NRG3: variants seen among roughly 807,000 people sequenced by gnomAD.
The protein encoded by NRG3 is pro-neuregulin-3, membrane-bound isoform.
Under a neutral mutation model 66.9 loss-of-function variants are expected in NRG3, and 31 were observed. The observed-to-expected ratio is 0.46, with a 90% confidence interval of 0.35 to 0.63. NRG3 has a LOEUF of 0.63. Ranked by LOEUF, NRG3 falls within the 20% of genes least tolerant of loss-of-function variation. The pLI is 0.00. For synonymous variants in NRG3, 393 were observed against 359.4 expected, an observed-to-expected ratio of 1.09 and a Z score of -1.06; for missense variants, 910 against 878.9, an observed-to-expected ratio of 1.04 and a Z score of -0.45.
chr10:81,954,078 C>T (rs1849608294), intron 1 of NRG3, among the ~76,000 whole-genome samples: 1 of 151,972 alleles, frequency 6.6e-6, no homozygotes, highest in Admixed American at 6.6e-5. Context: ...GGCAGGTATA[C>T]AAGAGTTGGG....
At chr10:82,830,190 A>G (rs193101981) in intron 3 of NRG3, among the ~76,000 whole-genome samples, 114 of 152,292 alleles carry the variant, frequency 7.5e-4, no homozygotes, top group East Asian at 2.5e-3. Flanking sequence ...AAAGCTCAGA[A>G]TAGTCCTAAT....
At chr10:82,154,056 T>A (rs1452645859) in intron 1 of NRG3, among the ~76,000 whole-genome samples, 1 of 152,064 alleles carries the variant, frequency 6.6e-6, no homozygotes, top group Non-Finnish European at 1.5e-5. Context: ...TTCTTTGCTA[T>A]GCAAAAAGTT....
At chr10:82,764,320 C>CCA (rs2059433266) in intron 3 of NRG3, among the ~76,000 whole-genome samples, 2 of 151,946 alleles carry the variant, frequency 1.3e-5, no homozygotes, top group African/African-American at 4.8e-5. Flanking sequence ...CAGGTGTGAG[C>CCA]CACCAGACCC....
intron 1 of NRG3, among the ~76,000 whole-genome samples, chr10:82,346,047 A>G (rs2082999635): frequency 6.6e-6 from 1 of 151,322 alleles, no homozygotes; most frequent in Non-Finnish European, 1.5e-5. Flanking sequence ...CTAATTGAAT[A>G]CCCTTTATTT....
intron 4 of NRG3, among the ~76,000 whole-genome samples, chr10:82,882,775 C>CA (rs1376443358): frequency 3.9e-5 from 6 of 152,018 alleles, no homozygotes; most frequent in Non-Finnish European, 5.9e-5. Context: ...TTCCATATGC[C>CA]ACAAAGGCCT....
intron 1 of NRG3, among the ~76,000 whole-genome samples, chr10:81,958,108 G>A (rs577711432): frequency 9.9e-5 from 15 of 152,250 alleles, no homozygotes; most frequent in African/African-American, 3.6e-4. Context: ...TTACAGCCCT[G>A]GCAATTGTTT....
chr10:82,664,944 G>T (rs1169313999), intron 2 of NRG3, among the ~76,000 whole-genome samples: 1 of 152,100 alleles, frequency 6.6e-6, no homozygotes, highest in Non-Finnish European at 1.5e-5. Context: ...GACTAACAAA[G>T]TGTTAGTATC....
At chr10:82,732,086 A>G (rs933723925) in intron 2 of NRG3, among the ~76,000 whole-genome samples, 13 of 152,202 alleles carry the variant, frequency 8.5e-5, no homozygotes, top group African/African-American at 3.1e-4. Flanking sequence ...TCAAAACATC[A>G]TGTTTTAAAA....
Position 82,980,211 on chromosome 10 carries a change from G to GA in NRG3, c.1583+1102dup, listed in dbSNP as rs34517442. Among the ~76,000 whole-genome samples, 311 of 146,508 alleles carry GA rather than the reference G, an allele frequency of 2.1e-3. 2 individuals are homozygous for GA. Among genetic ancestry groups the GA allele is most frequent in the African/African-American group, 7.0e-3 (278 of 39,696 alleles). ...CAGAGTGAGACCCTATCTCAAAAAA[G>GA]AAAAAAAAAAATACAAATAATTGAG... On this transcript the variant is annotated intron_variant, in intron 8 of 8. Coordinates refer to ENST00000372141, the MANE Select transcript of NRG3 (RefSeq NM_001010848.4).
At chr10:82,349,496 C>T (rs1243915217) in intron 1 of NRG3, among the ~76,000 whole-genome samples, 1 of 151,748 alleles carries the variant, frequency 6.6e-6, no homozygotes, top group Non-Finnish European at 1.5e-5. Context: ...TTTAAGTCTG[C>T]AGAGGTTACT....
chr10:82,938,778 C>CT (rs1848316327), intron 4 of NRG3, among the ~76,000 whole-genome samples: 1 of 152,192 alleles, frequency 6.6e-6, no homozygotes, highest in Admixed American at 6.5e-5. Flanking sequence ...CCTTAAACCG[C>CT]TGGGTCAGAT....
chr10:82,131,205 G>A (rs1000770009), intron 1 of NRG3, among the ~76,000 whole-genome samples: 7 of 152,064 alleles, frequency 4.6e-5, no homozygotes, highest in African/African-American at 1.7e-4. Context: ...AATCCATTTT[G>A]ATTTGATTTC....
intron 1 of NRG3, among the ~76,000 whole-genome samples, chr10:82,170,654 G>GTATATATATATATATA (rs370773918): frequency 1.8e-4 from 13 of 74,192 alleles, no homozygotes; most frequent in Non-Finnish European, 2.8e-4. Context: ...AAAACTTGTG[G>GTATATATATATATATA]TATATATATA....
chr10:82,918,128 T>C (rs1846063686), intron 4 of NRG3, among the ~76,000 whole-genome samples: 1 of 152,006 alleles, frequency 6.6e-6, no homozygotes, highest in South Asian at 2.1e-4. Flanking sequence ...AAATATGCTC[T>C]AATCACCAGT....
chr10:82,305,134 A>G (rs1055580962), intron 1 of NRG3, among the ~76,000 whole-genome samples: 3 of 151,334 alleles, frequency 2.0e-5, no homozygotes, highest in East Asian at 2.0e-4. Flanking sequence ...AGCTGGGACT[A>G]CAGGCGCCCA....
intron 1 of NRG3, among the ~76,000 whole-genome samples, chr10:82,206,145 A>T (rs1439064924): frequency 6.6e-6 from 1 of 152,046 alleles, no homozygotes; most frequent in South Asian, 2.1e-4. Flanking sequence ...CTCCCAAAAT[A>T]CCACCTTAAT....
intron 5 of NRG3, among the ~76,000 whole-genome samples, chr10:82,952,968 T>C (rs1185042387): frequency 6.6e-6 from 1 of 152,046 alleles, no homozygotes; most frequent in African/African-American, 2.4e-5. Context: ...CCTCCATTAT[T>C]AATGCCTTAC....
In NRG3 at chr10:82,512,923, A is replaced by G. The variant is rs1236794696; in HGVS notation, c.953+154055A>G. On this transcript the variant is annotated intron_variant, in intron 2 of 8. Transcript: ENST00000372141. Reference sequence around the variant, plus strand: ...TTCTTCATTATCACTATTTTATAATATTCCACTGCATGGGTATGCCACATA... The same window carrying G: ...TTCTTCATTATCACTATTTTATAATGTTCCACTGCATGGGTATGCCACATA... Among the ~76,000 whole-genome samples the G allele has an allele frequency of 2.0e-5, 3 of 152,170 alleles. No individual in the cohort carries two copies. In the East Asian group the frequency reaches 5.8e-4, roughly 29 times the overall value.
intron 3 of NRG3, among the ~76,000 whole-genome samples, chr10:82,817,494 C>T (rs547121738): frequency 7.6e-4 from 115 of 152,186 alleles, no homozygotes; most frequent in African/African-American, 2.6e-3. Context: ...GGTTCTTTTT[C>T]TTTTTTTGCA....
Sources: allele counts gnomAD v4.1 joint callset (sites outside exome capture counted in the v4.1 genomes callset), GRCh38; gene constraint gnomAD v4.1.1; transcripts MANE v1.5; gene names NCBI Gene and HGNC (gene_info 2026-07-23, HGNC 2026-07-21).